Variants in ROR1 observed in about 807,000 individuals in gnomAD.
The protein encoded by ROR1 is ROR family WNT receptor 1, also known as inactive tyrosine-protein kinase transmembrane receptor ROR1.
Under a neutral mutation model 78.8 loss-of-function variants are expected in ROR1, and 19 were observed. The observed-to-expected ratio is 0.24, with a 90% CI of 0.17 to 0.35. ROR1 has a LOEUF of 0.35. Ranked by LOEUF, ROR1 falls within the 10% of genes least tolerant of loss-of-function variation. ROR1 has a pLI of 1.00. For synonymous variants in ROR1, 386 were observed against 433.6 expected, an observed-to-expected ratio of 0.89 and a Z score of 1.36; for missense variants, 917 against 1,177.8, an observed-to-expected ratio of 0.78 and a Z score of 3.24.
intron 1 of ROR1, among the ~76,000 whole-genome samples, chr1:63,837,288 ATTCTT>A (rs1645023532): frequency 6.6e-6 from 1 of 152,190 alleles, no homozygotes; most frequent in African/African-American, 2.4e-5. Context: ...GCATACTATT[ATTCTT>A]TTTCAGATTG....
At chr1:64,014,978 A>AGACTGGGAAG (rs1239327041) in intron 2 of ROR1, among the ~76,000 whole-genome samples, 1 of 151,208 alleles carries the variant, frequency 6.6e-6, no homozygotes, top group Non-Finnish European at 1.5e-5. Flanking sequence ...GACATACCCG[A>AGACTGGGAAG]GACTGGGAAG....
intron 4 of ROR1, among the ~76,000 whole-genome samples, chr1:64,120,913 G>C (rs1220437735): frequency 6.6e-6 from 1 of 151,914 alleles, no homozygotes; most frequent in African/African-American, 2.4e-5. Flanking sequence ...TAGCTGGAAG[G>C]GTATCTCTGT....
At chr1:63,993,537 T>C (rs538148453) in intron 1 of ROR1, among the ~76,000 whole-genome samples, 3 of 152,344 alleles carry the variant, frequency 2.0e-5, no homozygotes, top group African/African-American at 7.2e-5. Context: ...ACATAATGCA[T>C]ATTATACATT....
intron 1 of ROR1, among the ~76,000 whole-genome samples, chr1:64,005,185 G>C (rs1009472472): frequency 6.6e-6 from 1 of 152,182 alleles, no homozygotes; most frequent in Non-Finnish European, 1.5e-5. Context: ...TGCAGAGGAT[G>C]GCCACTGTCT....
chr1:64,042,858 G>A (rs1381793949), intron 2 of ROR1, among the ~76,000 whole-genome samples: 2 of 152,180 alleles, frequency 1.3e-5, no homozygotes. Flanking sequence ...GGTTGATAGC[G>A]TGAACAGAAT....
intron 1 of ROR1, among the ~76,000 whole-genome samples, chr1:63,952,912 C>T (rs949088763): frequency 6.6e-6 from 1 of 151,906 alleles, no homozygotes; most frequent in Non-Finnish European, 1.5e-5. Context: ...GAGGTCTTGC[C>T]CTAAAGCTAC....
At chr1:64,001,685 G>A (rs1282831953) in intron 1 of ROR1, among the ~76,000 whole-genome samples, 2 of 152,128 alleles carry the variant, frequency 1.3e-5, no homozygotes, top group African/African-American at 2.4e-5. Flanking sequence ...GTTAGGAGAA[G>A]TATTTCCAGC....
intron 1 of ROR1, among the ~76,000 whole-genome samples, chr1:63,796,844 G>A (rs1300172580): frequency 6.6e-6 from 1 of 152,156 alleles, no homozygotes; most frequent in Non-Finnish European, 1.5e-5. Context: ...CTGGCAGGTG[G>A]TCCAGAGAGC....
chr1:64,128,291 C>CAAAAAAAAAAAAA (rs72429774), intron 4 of ROR1, among the ~76,000 whole-genome samples: 2 of 101,276 alleles, frequency 2.0e-5, no homozygotes, highest in African/African-American at 4.1e-5. Context: ...CCTGTCTCTA[C>CAAAAAAAAAAAAA]AAAAAAAAAA....
intron 1 of ROR1, among the ~76,000 whole-genome samples, chr1:63,944,529 A>G (rs191210904): frequency 7.2e-5 from 11 of 152,350 alleles, no homozygotes; most frequent in African/African-American, 1.9e-4. Context: ...CTCTTAGCCT[A>G]TGTCAAATGG....
intron 1 of ROR1, among the ~76,000 whole-genome samples, chr1:63,996,732 G>A (rs923256599): frequency 6.6e-6 from 1 of 151,916 alleles, no homozygotes; most frequent in Non-Finnish European, 1.5e-5. Context: ...TTGGAGCTTT[G>A]AAATAATTGA....
chr1:63,899,208 T>A (rs1645465678), intron 1 of ROR1, among the ~76,000 whole-genome samples: 1 of 152,080 alleles, frequency 6.6e-6, no homozygotes, highest in African/African-American at 2.4e-5. Context: ...CATTCCTAAC[T>A]CACTGAGTTT....
chr1:63,954,905 T>C (rs1019621677), intron 1 of ROR1, among the ~76,000 whole-genome samples: 1 of 152,168 alleles, frequency 6.6e-6, no homozygotes, highest in African/African-American at 2.4e-5. Context: ...GATTCCATTA[T>C]GGCAATGGAG....
rs115635604 is a variant in ROR1 at position 64,162,282 on chromosome 1, G to A, written c.1386+3090G>A. 5.2e-3 allele frequency among the ~76,000 whole-genome samples: 798 copies of A among 152,242 alleles called. 11 individuals carry two copies. Among genetic ancestry groups the A allele is most frequent in the African/African-American group, 0.018 (768 of 41,530 alleles). ...TCCATCTCTCTTCACTTGCTGAGCC[G>A]CTAAAATTCTCCTGAGTGTTTGGAT... On this transcript the variant is annotated intron_variant, in intron 8 of 8. Transcript: ENST00000371079.
intron 4 of ROR1, among the ~76,000 whole-genome samples, chr1:64,053,833 T>C (rs1267115065): frequency 6.6e-6 from 1 of 152,248 alleles, no homozygotes; most frequent in African/African-American, 2.4e-5. Flanking sequence ...CCATAAAAAT[T>C]TGTTTGCCTT....
At position 64,158,965 on chromosome 1, in the gene ROR1, TCA is replaced by T. The variant is rs1301222854; in HGVS notation, c.1175-15_1175-14del. 6.2e-7 allele frequency: 1 copy of T among 1,605,322 alleles called. No individual in the cohort carries two copies. Among genetic ancestry groups the T allele is most frequent in the Non-Finnish European group, 8.5e-7 (1 of 1,172,350 alleles). On this transcript the variant is annotated splice_polypyrimidine_tract_variant and intron_variant, in intron 7 of 8. Transcript: ENST00000371079. ...TAAAGAGTATAACTTTTGCTCTTTT[TCA>T]TTTCTGCACCCAGATTCAAAGGATT...
intron 4 of ROR1, among the ~76,000 whole-genome samples, chr1:64,079,838 A>AT (rs58144685): frequency 0.68 from 101,481 of 150,100 alleles, 34,554 homozygotes; most frequent in African/African-American, 0.75. Flanking sequence ...AACAATCTTG[A>AT]TTTTTTTTTT....
At chr1:64,018,657 T>C (rs1449826241) in intron 2 of ROR1, among the ~76,000 whole-genome samples, 1 of 152,116 alleles carries the variant, frequency 6.6e-6, no homozygotes, top group Non-Finnish European at 1.5e-5. Flanking sequence ...GGAAAAGCAG[T>C]ATGGAGAGGG....
At chr1:63,991,997 G>A (rs1646300053) in intron 1 of ROR1, among the ~76,000 whole-genome samples, 1 of 152,076 alleles carries the variant, frequency 6.6e-6, no homozygotes, top group African/African-American at 2.4e-5. Flanking sequence ...TGTCTGTCTA[G>A]TGTGACCAAA....
Sources: gnomAD v4.1 joint callset for allele counts (sites outside exome capture counted in the v4.1 genomes callset) on GRCh38, gnomAD v4.1.1 for gene constraint, MANE v1.5 for transcripts, NCBI Gene and HGNC (gene_info 2026-07-23, HGNC 2026-07-21) for gene names.